Variants in CADM1 observed in about 807,000 individuals in gnomAD.
The protein encoded by CADM1 is TSLC-1.
In CADM1, 15 loss-of-function variants were observed where a neutral mutation model predicts 53.1. The observed-to-expected ratio is 0.28, with a 90% confidence interval of 0.19 to 0.44. CADM1 has a LOEUF of 0.44. Ranked by LOEUF, CADM1 falls within the 20% of genes least tolerant of loss-of-function variation. The pLI is 1.00. For synonymous variants in CADM1, 281 were observed against 243.0 expected, an observed-to-expected ratio of 1.16 and a Z score of -1.45; for missense variants, 434 against 611.3, an observed-to-expected ratio of 0.71 and a Z score of 3.06.
chr11:115,397,242 T>C (rs1338019738), intron 1 of CADM1: 3 of 152,142 alleles, frequency 2.0e-5, no homozygotes, highest in African/African-American at 4.8e-5. Flanking sequence ...ATCTCTTTTT[T>C]CTCCTATTTA....
At chr11:115,301,746 A>T (rs955018008) in intron 1 of CADM1, among the ~76,000 whole-genome samples, 2 of 152,020 alleles carry the variant, frequency 1.3e-5, no homozygotes, top group Admixed American at 1.3e-4. Context: ...CAATTTCTCT[A>T]AGTCTCACCT....
chr11:115,468,422 A>C (rs1333348265), intron 1 of CADM1, among the ~76,000 whole-genome samples: 1 of 152,218 alleles, frequency 6.6e-6, no homozygotes, highest in East Asian at 1.9e-4. Context: ...ATCCAGAAGA[A>C]AAGAACAGAC....
chr11:115,397,043 G>A (rs922582804), intron 1 of CADM1: 8 of 151,928 alleles, frequency 5.3e-5, no homozygotes, highest in Non-Finnish European at 1.0e-4. Flanking sequence ...AATAAGCCTC[G>A]TTATGTTCAA....
At chr11:115,416,904 T>C (rs949632689) in intron 1 of CADM1, among the ~76,000 whole-genome samples, 4 of 152,316 alleles carry the variant, frequency 2.6e-5, no homozygotes, top group South Asian at 2.1e-4. Flanking sequence ...CTGAATTTAA[T>C]TGACAGTAGA....
At chr11:115,207,623 G>A (rs1230985640) in intron 8 of CADM1, among the ~76,000 whole-genome samples, 3 of 151,876 alleles carry the variant, frequency 2.0e-5, no homozygotes, top group East Asian at 1.9e-4. Context: ...AAGGCCAGCC[G>A]CAAATGAAAA....
At chr11:115,362,921 T>C (rs189965959) in intron 1 of CADM1, among the ~76,000 whole-genome samples, 65 of 152,288 alleles carry the variant, frequency 4.3e-4, no homozygotes, top group African/African-American at 1.4e-3. Context: ...CAGTTGATTC[T>C]TCATTCAATA....
chr11:115,187,663 A>T (rs1045460609), intron 10 of CADM1, among the ~76,000 whole-genome samples: 4 of 152,192 alleles, frequency 2.6e-5, no homozygotes, highest in Non-Finnish European at 5.9e-5. Context: ...CTGGTCTCGA[A>T]TTCCTGACCT....
Position 115,202,453 on chromosome 11 carries a change from T to A in CADM1, c.1079-4015A>T, listed in dbSNP as rs144008488. ...CTTAAATATTTTTTCCCCCAATTGA[T>A]CTGCGGTGCTCCTGCTTTACAATGC... On this transcript the variant is annotated intron_variant, in intron 8 of 11. Transcript: ENST00000331581. Among the ~76,000 whole-genome samples the A allele has an allele frequency of 3.4e-3, 524 of 152,282 alleles. 3 individuals carry two copies. Among genetic ancestry groups the A allele is most frequent in the African/African-American group, 0.012 (493 of 41,560 alleles).
At chr11:115,352,970 A>G (rs540603038) in intron 1 of CADM1, among the ~76,000 whole-genome samples, 1 of 152,340 alleles carries the variant, frequency 6.6e-6, no homozygotes, top group Non-Finnish European at 1.5e-5. Context: ...TATTGTGAAT[A>G]GTGCTGCAGT....
intron 1 of CADM1, among the ~76,000 whole-genome samples, chr11:115,266,128 C>T (rs1032091831): frequency 7.2e-5 from 11 of 152,188 alleles, no homozygotes; most frequent in Admixed American, 3.3e-4. Flanking sequence ...CAGCCTTACC[C>T]GCCAGCATTC....
chr11:115,272,186 A>T (rs1943318249), intron 1 of CADM1, among the ~76,000 whole-genome samples: 1 of 152,142 alleles, frequency 6.6e-6, no homozygotes, highest in Admixed American at 6.5e-5. Flanking sequence ...AGACACAAGC[A>T]AGAATCTCAG....
At chr11:115,408,659 T>C (rs939103882) in intron 1 of CADM1, among the ~76,000 whole-genome samples, 2 of 152,222 alleles carry the variant, frequency 1.3e-5, no homozygotes, top group Non-Finnish European at 2.9e-5. Context: ...CTAGTACTTA[T>C]TCATAATCAA....
chr11:115,365,672 G>C (rs1227261740), intron 1 of CADM1, among the ~76,000 whole-genome samples: 5 of 151,944 alleles, frequency 3.3e-5, no homozygotes, highest in Admixed American at 2.6e-4. Flanking sequence ...AACCAGACAG[G>C]AAGACTTCTA....
chr11:115,258,571 C>T (rs1208032374), intron 1 of CADM1, among the ~76,000 whole-genome samples: 1 of 152,194 alleles, frequency 6.6e-6, no homozygotes, highest in South Asian at 2.1e-4. Context: ...AAGATTTGGG[C>T]CCTATAGCTT....
At chr11:115,470,528 A>T (rs967848838) in intron 1 of CADM1, among the ~76,000 whole-genome samples, 1 of 152,246 alleles carries the variant, frequency 6.6e-6, no homozygotes, top group Non-Finnish European at 1.5e-5. Flanking sequence ...CAAAAAGTCA[A>T]GTAATATTTC....
intron 1 of CADM1, among the ~76,000 whole-genome samples, chr11:115,451,684 C>T (rs185767130): frequency 8.5e-5 from 13 of 152,276 alleles, no homozygotes; most frequent in Admixed American, 8.5e-4. Context: ...AGAGATTGTT[C>T]TTGAAGTAGA....
chr11:115,304,105 T>G (rs1944302893), intron 1 of CADM1, among the ~76,000 whole-genome samples: 1 of 152,102 alleles, frequency 6.6e-6, no homozygotes, highest in African/African-American at 2.4e-5. Flanking sequence ...TAATAAATGC[T>G]GCATGTGCTT....
At chr11:115,226,947 C>T (rs1941632269) in intron 5 of CADM1, among the ~76,000 whole-genome samples, 1 of 152,124 alleles carries the variant, frequency 6.6e-6, no homozygotes, top group South Asian at 2.1e-4. Flanking sequence ...GCACAGAGAG[C>T]CTTACTTAAG....
chr11:115,360,734 A>C (rs1288947130), intron 1 of CADM1, among the ~76,000 whole-genome samples: 2 of 152,238 alleles, frequency 1.3e-5, no homozygotes, highest in Non-Finnish European at 2.9e-5. Flanking sequence ...AAGGCAAAAT[A>C]AAAGTGTCTG....
Sources: gnomAD v4.1 joint callset for allele counts (sites outside exome capture counted in the v4.1 genomes callset) on GRCh38, gnomAD v4.1.1 for gene constraint, MANE v1.5 for transcripts, NCBI Gene and HGNC (gene_info 2026-07-23, HGNC 2026-07-21) for gene names.